Variants in GABRA3 observed in about 807,000 individuals in gnomAD.
GABRA3 encodes the protein gamma-aminobutyric acid type A receptor subunit alpha3.
A neutral mutation model predicts 30.1 loss-of-function variants in GABRA3; 10 were observed. The observed-to-expected ratio is 0.33, with a 90% CI of 0.20 to 0.56. GABRA3 has a LOEUF of 0.56. GABRA3 is among the 20% of genes least tolerant of loss of function. The probability of loss-of-function intolerance (pLI) is 0.89; values close to 1 mark genes in which losing one functional copy is unlikely to be tolerated. For synonymous variants in GABRA3, 151 were observed against 146.8 expected, an observed-to-expected ratio of 1.03 and a Z score of -0.21; for missense variants, 233 against 392.0, an observed-to-expected ratio of 0.59 and a Z score of 3.42.
At chrX:152,362,272 A>C (rs955245553) in intron 2 of GABRA3, among the ~76,000 whole-genome samples, 5 of 111,187 alleles carry the variant, frequency 4.5e-5, no homozygotes, top group African/African-American at 1.6e-4. Context: ...AAAAAAAAAA[A>C]GTCACTACCA....
rs184006197 is a variant in GABRA3 at position 152,245,858 on chromosome X, G to A, written c.551+9920C>T. Among the ~76,000 whole-genome samples the A allele has an allele frequency of 1.0e-3, 114 of 111,718 alleles. 1 individual carries two copies. The highest frequency in any genetic ancestry group is 3.3e-3 in the African/African-American group (101 of 30,806). On this transcript the variant is annotated intron_variant, in intron 5 of 9. Transcript: ENST00000370314. The stretch of plus-strand genomic sequence containing the variant: ...TAGACGTTACCACATAGGATTATTA[G>A]TGTCTGTTTAGCTCTCTGTCTTCTG...
intron 1 of GABRA3, among the ~76,000 whole-genome samples, chrX:152,406,490 G>A (rs1379164399): frequency 9.4e-6 from 1 of 106,013 alleles, no homozygotes; most frequent in Non-Finnish European, 1.9e-5. Flanking sequence ...GAAGAGAAAC[G>A]GAAGGTAATT....
chrX:152,417,449 C>T (rs1602718696), intron 1 of GABRA3, among the ~76,000 whole-genome samples: 2 of 109,986 alleles, frequency 1.8e-5, no homozygotes, highest in East Asian at 2.9e-4. Context: ...AGTTCAACCA[C>T]TGTGGAAGTC....
intron 1 of GABRA3, among the ~76,000 whole-genome samples, chrX:152,417,588 C>T (rs773268266): frequency 1.1e-4 from 10 of 88,078 alleles, no homozygotes; most frequent in Admixed American, 2.6e-4. Flanking sequence ...ATGTTTATTG[C>T]GGCATTATTC....
chrX:152,234,611 A>C (rs1326210030), intron 5 of GABRA3, among the ~76,000 whole-genome samples: 1 of 111,489 alleles, frequency 9.0e-6, no homozygotes, highest in Non-Finnish European at 1.9e-5. Context: ...CAGATCTTAC[A>C]TTTGAGTCTT....
intron 4 of GABRA3, among the ~76,000 whole-genome samples, chrX:152,276,647 T>C (rs1249129674): frequency 1.8e-5 from 2 of 112,140 alleles, no homozygotes; most frequent in Admixed American, 9.5e-5. Context: ...GATGAATGTA[T>C]GACCACATAT....
At chrX:152,216,442 A>G (rs888367328) in intron 6 of GABRA3, among the ~76,000 whole-genome samples, 1 of 96,879 alleles carries the variant, frequency 1.0e-5, no homozygotes, top group Admixed American at 1.2e-4. Context: ...ACACACACAC[A>G]ATGGAATGCT....
chrX:152,361,868 A>G (rs2124493094), intron 2 of GABRA3, among the ~76,000 whole-genome samples: 1 of 112,152 alleles, frequency 8.9e-6, no homozygotes, highest in East Asian at 2.8e-4. Flanking sequence ...ATAAGAAAAT[A>G]TGCAATACAT....
At chrX:152,422,220 A>C (rs1034768833) in intron 1 of GABRA3, among the ~76,000 whole-genome samples, 2 of 111,637 alleles carry the variant, frequency 1.8e-5, no homozygotes, top group African/African-American at 6.5e-5. Context: ...TAGCACTAAA[A>C]ATTAATGAAC....
chrX:152,177,701 C>T (rs1346583955), intron 9 of GABRA3, among the ~76,000 whole-genome samples: 1 of 111,919 alleles, frequency 8.9e-6, no homozygotes. Context: ...CAATCCAGAC[C>T]TCATTTAATA....
At chrX:152,277,774 A>T (rs1475974285) in intron 4 of GABRA3, among the ~76,000 whole-genome samples, 1 of 112,076 alleles carries the variant, frequency 8.9e-6, no homozygotes, top group Non-Finnish European at 1.9e-5. Context: ...AAAGACGCTT[A>T]ATACATTTTC....
chrX:152,415,731 T>A (rs1930195173), intron 1 of GABRA3, among the ~76,000 whole-genome samples: 1 of 111,372 alleles, frequency 9.0e-6, no homozygotes, highest in Non-Finnish European at 1.9e-5. Context: ...AAGTAAAAAG[T>A]TTATAGGTCT....
chrX:152,386,456 A>C (rs1488884860), intron 1 of GABRA3, among the ~76,000 whole-genome samples: 1 of 111,152 alleles, frequency 9.0e-6, no homozygotes, highest in Non-Finnish European at 1.9e-5. Context: ...TACAAGAAAA[A>C]AACAAACAAC....
intron 1 of GABRA3, among the ~76,000 whole-genome samples, chrX:152,398,172 C>T (rs1037150896): frequency 1.8e-5 from 2 of 111,369 alleles, no homozygotes; most frequent in African/African-American, 6.5e-5. Flanking sequence ...ATGCCTAAGT[C>T]CTGTTTAAAT....
At chrX:152,409,834 G>A (rs59166039) in intron 1 of GABRA3, among the ~76,000 whole-genome samples, 4,506 of 111,553 alleles carry the variant, frequency 0.04, 242 homozygotes, top group African/African-American at 0.14. Context: ...GAGAACTATC[G>A]TATGACCTAG....
intron 1 of GABRA3, among the ~76,000 whole-genome samples, chrX:152,373,053 A>G (rs1603249932): frequency 9.0e-6 from 1 of 111,642 alleles, no homozygotes; most frequent in East Asian, 2.8e-4. Flanking sequence ...GCCTCCTTGA[A>G]GCCTCCCGAC....
At chrX:152,416,676 G>A (rs1223742280) in intron 1 of GABRA3, among the ~76,000 whole-genome samples, 1 of 110,880 alleles carries the variant, frequency 9.0e-6, no homozygotes, top group Non-Finnish European at 1.9e-5. Context: ...CCAAAACAGA[G>A]ATATAGATCA....
intron 4 of GABRA3, among the ~76,000 whole-genome samples, chrX:152,270,732 G>T (rs1344392544): frequency 9.1e-6 from 1 of 109,703 alleles, no homozygotes; most frequent in African/African-American, 3.3e-5. Context: ...GCATATGCCT[G>T]TCATCCCAGC....
chrX:152,374,130 T>A lies in GABRA3; in HGVS notation c.-26-9534A>T, dbSNP rs762702836. ...TGTGAGGAGTGTCTGTTCATGTCCTTTGCCCACTTTTTAATGGGGTTTTTT... is the reference window on the plus strand; with the variant it reads ...TGTGAGGAGTGTCTGTTCATGTCCTATGCCCACTTTTTAATGGGGTTTTTT... On this transcript the variant is annotated intron_variant, in intron 1 of 9. Coordinates refer to ENST00000370314, the MANE Select transcript of GABRA3 (RefSeq NM_000808.4). 5.2e-4 allele frequency among the ~76,000 whole-genome samples: 57 copies of A among 110,486 alleles called. 1 individual carries two copies. Among genetic ancestry groups the A allele is most frequent in the Non-Finnish European group, 1.0e-3 (54 of 52,937 alleles).
Sources: gnomAD v4.1 joint callset for allele counts (sites outside exome capture counted in the v4.1 genomes callset) on GRCh38, gnomAD v4.1.1 for gene constraint, MANE v1.5 for transcripts, NCBI Gene and HGNC (gene_info 2026-07-23, HGNC 2026-07-21) for gene names.